RGSL1: variants seen among roughly 807,000 people sequenced by gnomAD.
RGSL1 encodes the protein regulator of G protein signaling like 1.
Under a neutral mutation model 124.7 loss-of-function variants are expected in RGSL1, and 97 were observed. The observed-to-expected ratio is 0.78, with a 90% CI of 0.66 to 0.92. The LOEUF (loss-of-function observed/expected upper bound fraction) is 0.92, where lower values mean the gene tolerates loss of function less well. Ranked by LOEUF, RGSL1 falls within the 40% of genes least tolerant of loss-of-function variation. The probability of loss-of-function intolerance (pLI) is 0.00; values close to 1 mark genes in which losing one functional copy is unlikely to be tolerated. For missense variants in RGSL1, 1,233 were observed against 1,288.4 expected, an observed-to-expected ratio of 0.96 and a Z score of 0.66; for synonymous variants, 424 against 438.1, an observed-to-expected ratio of 0.97 and a Z score of 0.40.
intron 2 of RGSL1, among the ~76,000 whole-genome samples, chr1:182,455,847 C>T (rs1652272891): frequency 6.6e-6 from 1 of 152,186 alleles, no homozygotes; most frequent in Non-Finnish European, 1.5e-5. Context: ...TTGGACATTA[C>T]CCCAAGGTGT....
intron 6 of RGSL1, among the ~76,000 whole-genome samples, chr1:182,487,206 C>T (rs1426726801): frequency 2.0e-5 from 3 of 152,104 alleles, no homozygotes; most frequent in Admixed American, 2.0e-4. Flanking sequence ...AATTTATATC[C>T]CTAAACTCAC....
chr1:182,512,991 TG>T (rs1166687104), intron 9 of RGSL1, among the ~76,000 whole-genome samples: 1 of 152,084 alleles, frequency 6.6e-6, no homozygotes, highest in Non-Finnish European at 1.5e-5. Context: ...GGGGTTTATA[TG>T]GGCACAGGAC....
intron 10 of RGSL1, among the ~76,000 whole-genome samples, chr1:182,524,272 T>C (rs1658573437): frequency 1.1e-5 from 1 of 94,448 alleles, no homozygotes; most frequent in African/African-American, 4.2e-5. Context: ...TTTAAAATAT[T>C]AGTCTGACAG....
chr1:182,468,315 C>T (rs1471342079), intron 4 of RGSL1, among the ~76,000 whole-genome samples: 1 of 152,160 alleles, frequency 6.6e-6, no homozygotes. Flanking sequence ...GACGCATGCA[C>T]ACGTATGTTT....
intron 19 of RGSL1, 44 bp from the exon 20 acceptor site, chr1:182,554,581 CTA>C: frequency 6.6e-7 from 1 of 1,521,708 alleles, no homozygotes; most frequent in Non-Finnish European, 8.9e-7. Flanking sequence ...GTGACTGCGT[CTA>C]TGTCATGAGT....
intron 13 of RGSL1, among the ~76,000 whole-genome samples, chr1:182,531,267 T>C (rs1272003151): frequency 3.3e-5 from 5 of 152,164 alleles, no homozygotes; most frequent in Admixed American, 2.6e-4. Flanking sequence ...TCTTACTGTA[T>C]AACAAAAGGT....
chr1:182,549,058 C>A (rs575354487), intron 17 of RGSL1: 51 of 432,034 alleles, frequency 1.2e-4, no homozygotes, highest in African/African-American at 8.8e-4. Flanking sequence ...TGGTTTCCCA[C>A]CCCTCCTCTT....
chr1:182,475,040 A>G (rs1367193223), intron 6 of RGSL1, among the ~76,000 whole-genome samples: 1 of 152,182 alleles, frequency 6.6e-6, no homozygotes, highest in Non-Finnish European at 1.5e-5. Context: ...CAAATTTTGC[A>G]ACGTCCCCCA....
intron 14 of RGSL1, among the ~76,000 whole-genome samples, chr1:182,536,745 G>C (rs573483672): frequency 3.3e-5 from 5 of 152,320 alleles, no homozygotes; most frequent in African/African-American, 1.2e-4. Flanking sequence ...GGCAGGCAGA[G>C]AGGAGCTTGT....
At chr1:182,488,241 C>CATTA in intron 6 of RGSL1, 44 bp from the exon 7 acceptor site, 1 of 1,529,720 alleles carries the variant, frequency 6.5e-7, no homozygotes, top group Non-Finnish European at 8.9e-7. Flanking sequence ...ATGCAGCAAG[C>CATTA]TGACCATCCA....
chr1:182,530,402 G>T (rs1238631274), intron 12 of RGSL1, 41 bp downstream of exon 12: 1 of 1,474,446 alleles, frequency 6.8e-7, no homozygotes. Flanking sequence ...TCCTGGAGTT[G>T]CTCCTTGGCT....
At chr1:182,504,788 T>A (rs1386579407) in intron 9 of RGSL1, among the ~76,000 whole-genome samples, 1 of 152,140 alleles carries the variant, frequency 6.6e-6, no homozygotes, top group Non-Finnish European at 1.5e-5. Context: ...AAAAGAAGAA[T>A]AAAATAAATT....
chr1:182,458,957 C>T (rs1316270674), intron 3 of RGSL1, among the ~76,000 whole-genome samples: 1 of 152,158 alleles, frequency 6.6e-6, no homozygotes, highest in Non-Finnish European at 1.5e-5. Flanking sequence ...CCATTATATT[C>T]TAGCCCATAG....
chr1:182,555,436 A>C (rs1660807831), intron 20 of RGSL1: 1 of 155,730 alleles, frequency 6.4e-6, no homozygotes, highest in African/African-American at 2.4e-5. Context: ...AGGGTGCATA[A>C]GGTGGGAAAG....
intron 9 of RGSL1, among the ~76,000 whole-genome samples, chr1:182,509,765 G>C (rs1447670880): frequency 2.2e-5 from 3 of 133,422 alleles, no homozygotes; most frequent in East Asian, 4.8e-4. Flanking sequence ...CGGGTGGGGG[G>C]GCTGACCCCC....
At chr1:182,454,183 T>C (rs1047729477) in intron 2 of RGSL1, 143 bp downstream of exon 2, 1 of 620,792 alleles carries the variant, frequency 1.6e-6, no homozygotes, top group African/African-American at 1.8e-5. Context: ...TCTTTTAATT[T>C]GAGCAAATAA....
intron 10 of RGSL1, 133 bp from the exon 11 acceptor site, chr1:182,527,446 C>T (rs1364757748): frequency 1.5e-6 from 1 of 672,902 alleles, no homozygotes; most frequent in South Asian, 2.2e-5. Context: ...TTTAGCCAAT[C>T]CATCCACAAT....
intron 2 of RGSL1, among the ~76,000 whole-genome samples, chr1:182,456,440 G>A (rs1338852282): frequency 6.6e-6 from 1 of 152,102 alleles, no homozygotes; most frequent in Admixed American, 6.5e-5. Context: ...GGGACTACAG[G>A]CGTGCACCAC....
Position 182,560,540 on chromosome 1 carries a change from C to T in RGSL1, c.*427C>T, listed in dbSNP as rs1230351393. The stretch of plus-strand genomic sequence containing the variant: ...AGGACCTCAGGGTGCCAGCCCTCAC[C>T]CATACACCTCCAGGGCTGCAGGTCA... On this transcript the variant is annotated 3_prime_UTR_variant, in exon 22 of 22. Transcript: ENST00000294854. The T allele has an allele frequency of 1.3e-5, 2 of 152,342 alleles. No individual in the cohort carries two copies. Among genetic ancestry groups the T allele is most frequent in the South Asian group, 4.2e-4 (2 of 4,816 alleles). 9.4% of individuals were successfully genotyped at this position (152,342 alleles called of 1,614,324 possible).
Sources: gnomAD v4.1 joint callset for allele counts (sites outside exome capture counted in the v4.1 genomes callset) on GRCh38, gnomAD v4.1.1 for gene constraint, MANE v1.5 for transcripts, NCBI Gene and HGNC (gene_info 2026-07-23, HGNC 2026-07-21) for gene names.